Variants in HNF1A observed in about 807,000 individuals in gnomAD.
HNF1A encodes HNF1 homeobox A.
A neutral mutation model predicts 62.2 loss-of-function variants in HNF1A; 21 were observed. The ratio of observed to expected loss-of-function variants is 0.34; its 90% CI spans 0.24 to 0.49. The LOEUF (loss-of-function observed/expected upper bound fraction) is 0.49, where lower values mean the gene tolerates loss of function less well. HNF1A is among the 20% of genes least tolerant of loss of function. The pLI, the probability that HNF1A is intolerant of heterozygous loss-of-function variation, is 0.99. For missense variants in HNF1A, 687 were observed against 832.3 expected (o/e 0.83, Z 2.15); for synonymous variants, 374 against 366.8 (o/e 1.02, Z -0.22).
intron 7 of HNF1A, chr12:120,998,182 A>C (rs770193417): frequency 4.0e-6 from 1 of 247,064 alleles, no homozygotes; most frequent in Non-Finnish European, 8.0e-6. Context: ...TGGGAGGCTG[A>C]GGCAGAATCG....
At chr12:120,994,755 A>G (rs1877006903) in intron 4 of HNF1A, among the ~76,000 whole-genome samples, 1 of 146,130 alleles carries the variant, frequency 6.8e-6, no homozygotes, top group Non-Finnish European at 1.5e-5. Flanking sequence ...ACTACATTCA[A>G]CTCCACTCCA....
At chr12:120,994,974 G>C (rs1252112096) in intron 4 of HNF1A, among the ~76,000 whole-genome samples, 238 of 75,898 alleles carry the variant, frequency 3.1e-3, no homozygotes, top group Middle Eastern at 0.029. Flanking sequence ...ATCCCATCCA[G>C]TACATTCAAC....
At position 120,996,457 on chromosome 12, in the gene HNF1A, T is replaced by TA; in HGVS notation, c.1107+44_1107+45insA. On this transcript the variant is annotated intron_variant, in intron 5 of 9. Coordinates refer to ENST00000257555, the MANE Select transcript of HNF1A (RefSeq NM_000545.8). The surrounding 1 kb of genome is among the most constrained non-coding windows in gnomAD (Gnocchi z 4.5). ...AAGGAAAACCCAACCTCATCTTTCC[T>TA]TGGCAGGGAGATTCTGGAGCAGTCC... 6.2e-7 allele frequency: 1 copy of TA among 1,613,886 alleles called. No homozygotes were observed. The highest frequency in any genetic ancestry group is 8.5e-7 in the Non-Finnish European group (1 of 1,179,960).
Position 120,996,215 on chromosome 12 carries a change from G to C in HNF1A, c.956-47G>C. The C allele has an allele frequency of 6.2e-7, 1 of 1,609,792 alleles. No individual in the cohort carries two copies. The highest frequency in any genetic ancestry group is 1.3e-5 in the African/African-American group (1 of 74,938). ...TGCTGAGGGCTGTGGAGGCAGGGGA[G>C]GGCAGGGAAGTGGGGTGCTGAGGCA... On this transcript the variant is annotated intron_variant, in intron 4 of 9. Transcript: ENST00000257555. The surrounding 1 kb of genome is among the most constrained non-coding windows in gnomAD (Gnocchi z 4.5).
intron 6 of HNF1A, 196 bp from the exon 7 acceptor site, chr12:120,997,277 AG>A: frequency 7.1e-7 from 1 of 1,414,016 alleles, no homozygotes; most frequent in South Asian, 1.5e-5. Flanking sequence ...AAAGAGCTAA[AG>A]GCTCAGAGAG....
At chr12:120,981,385 A>T (rs1315602012) in intron 1 of HNF1A, among the ~76,000 whole-genome samples, 1 of 152,180 alleles carries the variant, frequency 6.6e-6, no homozygotes, top group Admixed American at 6.5e-5. Flanking sequence ...TAGCTCCCTG[A>T]GTGACCTTGG....
rs751368921 is a variant in HNF1A, at chr12:120,999,558, G to A, written c.1699G>A (p.Val567Ile). ...TPASQATTLH[V>I]PSQDPASIQH... ...GGCATCTCAGGCCACCACCCTCCAC[G>A]TCCCCAGCCAGGACCCTGCCAGCAT... The change falls in exon 9 of 10, where the codon GTC (valine) becomes ATC (isoleucine). Residue 567 changes from valine to isoleucine, a missense_variant. By Grantham distance (29) the Val-to-Ile change is conservative. Transcript: ENST00000257555. The A allele has an allele frequency of 1.7e-5, 28 of 1,612,764 alleles. No individual in the cohort carries two copies. In the East Asian group the frequency reaches 2.7e-4, roughly 15 times the overall value.
chr12:120,985,792 C>T (rs1307519720), intron 1 of HNF1A, among the ~76,000 whole-genome samples: 3 of 152,184 alleles, frequency 2.0e-5, no homozygotes, highest in Non-Finnish European at 2.9e-5. Context: ...TGAGACCAGC[C>T]TGGCCAACAT....
In HNF1A at chr12:120,978,545, C is replaced by T; in HGVS notation, c.-224C>T. On this transcript the variant is annotated 5_prime_UTR_variant, in exon 1 of 10. Transcript: ENST00000257555. ...TATGAACCTTGGAGAATTTCCCCAG[C>T]TCCAATGTAAACAGAACAGGCAGGG... The T allele has an allele frequency of 1.6e-6, 1 of 609,036 alleles. No homozygotes were observed. The highest frequency in any genetic ancestry group is 2.9e-6 in the Non-Finnish European group (1 of 341,888). The allele number at this position is 609,036 out of a possible 1,614,324, so 37.7% of individuals were successfully genotyped here.
rs1295765355 is a variant in HNF1A, at chr12:120,998,612, ATC to A, written c.1502-654_1502-653del. 1.3e-4 allele frequency among the ~76,000 whole-genome samples: 20 copies of A among 152,080 alleles called. 1 individual carries two copies. The highest frequency in any genetic ancestry group is 6.2e-4 in the South Asian group (3 of 4,810). On this transcript the variant is annotated intron_variant, in intron 7 of 9. Coordinates refer to ENST00000257555, the MANE Select transcript of HNF1A (RefSeq NM_000545.8). ...ATGCGTGTGTGTGTGTTACATTTTT[ATC>A]TGAGTCACTGTGAGAATATGTGGTT...
intron 1 of HNF1A, among the ~76,000 whole-genome samples, chr12:120,986,387 C>T (rs1299769511): frequency 6.6e-6 from 1 of 152,158 alleles, no homozygotes; most frequent in Admixed American, 6.5e-5. Context: ...TGGCAAGCAA[C>T]GTGGCAAGGA....
chr12:121,001,322 CCA>C lies in HNF1A; in HGVS notation c.*132_*133del. ...TTCCTGGACAGCTGTGCCTCGCTCC[CCA>C]CTCTGCTCTGATGCATCAGAAAGGG... On this transcript the variant is annotated 3_prime_UTR_variant, in exon 10 of 10. Transcript: ENST00000257555. 1 of 1,140,186 alleles carries C rather than the reference CCA, an allele frequency of 8.8e-7. No individual in the cohort carries two copies. The allele number at this position is 1,140,186 out of a possible 1,614,324, so 70.6% of individuals were successfully genotyped here. A position where few individuals can be genotyped will look rare whatever the true frequency, so the allele number is the denominator to read the frequency against.
At chr12:120,991,283 A>C (rs898347627) in intron 2 of HNF1A, among the ~76,000 whole-genome samples, 10 of 152,144 alleles carry the variant, frequency 6.6e-5, no homozygotes, top group Non-Finnish European at 1.5e-4. Context: ...CAGCAGTAAA[A>C]ATCACTGTTG....
At position 120,999,579 on chromosome 12, in the gene HNF1A, A is replaced by G. The variant is rs1169305; in HGVS notation, c.1720A>G (p.Ser574Gly). ...TLHVPSQDPA[S>G]IQHLQPAHRL... ...CCACGTCCCCAGCCAGGACCCTGCC[A>G]GCATCCAGCACCTGCAGCCGGCCCA... Residue 574 changes from serine (S) to glycine (G), a missense_variant, in exon 9 of 10, where the codon AGC (serine) becomes GGC (glycine). Ser to Gly is a moderately conservative substitution (Grantham distance 56). Transcript: ENST00000257555. 1,608,777 of 1,612,756 alleles carry G rather than the reference A, an allele frequency of 1. 802,494 individuals are homozygous for G. The highest frequency in any genetic ancestry group is 1 in the South Asian group (91,045 of 91,052).
In HNF1A at chr12:120,999,349, C is replaced by T. The variant is rs775608608; in HGVS notation, c.1583C>T (p.Thr528Ile). The change falls in exon 8 of 10, where the codon ACC (threonine) becomes ATC (isoleucine). Residue 528 changes from threonine (T) to isoleucine (I), a missense_variant. Thr to Ile is a moderately conservative substitution (Grantham distance 89). Coordinates refer to ENST00000257555, the MANE Select transcript of HNF1A (RefSeq NM_000545.8). ...LPQTMLITDT[T>I]NLSALASLTP... ...CAGACTATGCTCATCACCGACACCA[C>T]CAACCTGAGCGCCCTGGCCAGCCTC... 5.6e-6 allele frequency: 9 copies of T among 1,613,990 alleles called. No homozygotes were observed. The highest frequency in any genetic ancestry group is 7.6e-6 in the Non-Finnish European group (9 of 1,180,052).
rs2135847327 is a variant in HNF1A at position 120,997,478 on chromosome 12, G to A, written c.1314G>A (p.Leu438=). ...NTGASTLVIG[L]ASTQAQSVPV... is the part of the protein sequence containing the mutation. ...TTCCCTCCCCTTCCACTCCAGGCCT[G>A]GCCTCCACGCAGGCACAGAGTGTGC... The change falls in exon 7 of 10, where the codon CTG becomes CTA. Residue 438 remains leucine (L), a synonymous_variant. Coordinates refer to ENST00000257555, the MANE Select transcript of HNF1A (RefSeq NM_000545.8). 1.9e-6 allele frequency: 3 copies of A among 1,606,494 alleles called. No homozygotes were observed. The South Asian group carries it at 3.3e-5, about 18-fold the overall frequency.
At position 120,997,490 on chromosome 12, in the gene HNF1A, G is replaced by A. The variant is rs374808257; in HGVS notation, c.1326G>A (p.Gln442=). The A allele has an allele frequency of 1.9e-6, 3 of 1,610,172 alleles. No individual in the cohort carries two copies. The highest frequency in any genetic ancestry group is 2.5e-6 in the Non-Finnish European group (3 of 1,178,974). ...STLVIGLAST[Q]AQSVPVINSM... is the part of the protein sequence containing the mutation. Reference sequence around the variant, plus strand: ...CCACTCCAGGCCTGGCCTCCACGCAGGCACAGAGTGTGCCGGTCATCAACA... The same window carrying A: ...CCACTCCAGGCCTGGCCTCCACGCAAGCACAGAGTGTGCCGGTCATCAACA... Residue 442 remains glutamine (Q), a synonymous_variant, in exon 7 of 10, where the codon CAG becomes CAA. Coordinates refer to ENST00000257555, the MANE Select transcript of HNF1A (RefSeq NM_000545.8).
chr12:120,979,004 A>T lies in HNF1A; in HGVS notation c.236A>T (p.Glu79Val), dbSNP rs143753579. Reference sequence around the variant, plus strand: ...GAGGACGAGACGGACGACGATGGGGAAGACTTCACGCCACCCATCCTCAAA... The same window carrying T: ...GAGGACGAGACGGACGACGATGGGGTAGACTTCACGCCACCCATCCTCAAA... ...GSEDETDDDGEDFTPPILKEL... is the reference protein window; with the variant it reads ...GSEDETDDDGVDFTPPILKEL... Residue 79 changes from glutamate to valine, a missense_variant, in exon 1 of 10, where the codon GAA (glutamate) becomes GTA (valine). Around this residue, in one of 5 missense-constraint regions of HNF1A, gnomAD observed 159 missense variants for 154.4 expected, o/e 1.03. Transcript: ENST00000257555. 1.2e-4 allele frequency: 186 copies of T among 1,609,714 alleles called. No individual in the cohort carries two copies. Among genetic ancestry groups the T allele is most frequent in the Non-Finnish European group, 1.5e-4 (180 of 1,178,300 alleles).
At position 121,001,919 on chromosome 12, in the gene HNF1A, C is replaced by A; in HGVS notation, c.*727C>A. 1 of 517,828 alleles carries A rather than the reference C, an allele frequency of 1.9e-6. No homozygotes were observed. The highest frequency in any genetic ancestry group is 3.7e-6 in the Non-Finnish European group (1 of 266,990). The allele number at this position is 517,828 out of a possible 1,614,324, so 32.1% of individuals were successfully genotyped here. On this transcript the variant is annotated 3_prime_UTR_variant, in exon 10 of 10. Transcript: ENST00000257555. ...GCTTTCCTGTATTTGTTCCCAAGAGCATCATGCCTCTGAGGCCAGCCTGGC... is the reference window on the plus strand; with the variant it reads ...GCTTTCCTGTATTTGTTCCCAAGAGAATCATGCCTCTGAGGCCAGCCTGGC...
Sources: allele counts gnomAD v4.1 joint callset (sites outside exome capture counted in the v4.1 genomes callset), GRCh38; gene constraint gnomAD v4.1.1; regional missense constraint gnomAD v4.1.1; non-coding constraint Gnocchi (gnomAD v3.1); transcripts MANE v1.5; gene names NCBI Gene and HGNC (gene_info 2026-07-23, HGNC 2026-07-21).